The following TSG101 variants were observed in gnomAD, a reference collection of about 807,000 sequenced individuals.
TSG101 encodes tumor susceptibility 101.
In TSG101, 19 loss-of-function variants were observed where a neutral mutation model predicts 48.5. That is an observed-to-expected ratio of 0.39 (90% CI 0.27 to 0.58). TSG101 has a LOEUF of 0.58. TSG101 is among the 20% of genes least tolerant of loss of function. TSG101 has a pLI of 0.55. For synonymous variants in TSG101, 174 were observed against 169.4 expected, an observed-to-expected ratio of 1.03 and a Z score of -0.21; for missense variants, 365 against 484.4, an observed-to-expected ratio of 0.75 and a Z score of 2.31.
chr11:18,486,260 C>T lies in TSG101; in HGVS notation c.641-2188G>A, dbSNP rs547053061. 2.6e-5 allele frequency among the ~76,000 whole-genome samples: 4 copies of T among 152,370 alleles called. No individual in the cohort carries two copies. In the South Asian group the frequency reaches 6.2e-4, roughly 24 times the overall value. Reference sequence around the variant, plus strand: ...CGGGAACCAGCGGGTAAGCCAGACTCGGCCCAAGTGGGCCGAATGGGAGGG... The same window carrying T: ...CGGGAACCAGCGGGTAAGCCAGACTTGGCCCAAGTGGGCCGAATGGGAGGG... On this transcript the variant is annotated intron_variant, in intron 7 of 9. Coordinates refer to ENST00000251968, the MANE Select transcript of TSG101 (RefSeq NM_006292.4).
Position 18,526,894 on chromosome 11 carries a change from T to G in TSG101, c.-78A>C, listed in dbSNP as rs1250184388. ...GGCTGCCCCAGACCGTCCCACACAA[T>G]CGCACACCCCCAACCCGGCCTCAAA... On this transcript the variant is annotated 5_prime_UTR_variant, in exon 1 of 10. Transcript: ENST00000251968. The G allele has an allele frequency of 2.0e-6, 3 of 1,505,458 alleles. No homozygotes were observed. The African/African-American group carries it at 4.1e-5, about 21-fold the overall frequency. The allele number at this position is 1,505,458 out of a possible 1,614,324, so 93.3% of individuals were successfully genotyped here.
At chr11:18,502,672 G>T in intron 6 of TSG101, 95 bp from the exon 7 acceptor site, 1 of 884,748 alleles carries the variant, frequency 1.1e-6, no homozygotes, top group African/African-American at 1.7e-5. Flanking sequence ...TTGACATATG[G>T]TTGTTTTACC....
intron 4 of TSG101, among the ~76,000 whole-genome samples, chr11:18,510,785 G>C (rs1213536421): frequency 6.6e-6 from 1 of 152,058 alleles, no homozygotes; most frequent in Non-Finnish European, 1.5e-5. Flanking sequence ...AACTGTACAT[G>C]GTGGCATGCG....
intron 2 of TSG101, among the ~76,000 whole-genome samples, chr11:18,519,162 C>T (rs1850227776): frequency 6.6e-6 from 1 of 151,810 alleles, no homozygotes; most frequent in African/African-American, 2.4e-5. Context: ...ACAGGAGCAC[C>T]AGGCCAACTT....
At chr11:18,500,600 C>A (rs80140828) in intron 7 of TSG101, among the ~76,000 whole-genome samples, 6,045 of 152,008 alleles carry the variant, frequency 0.04, 267 homozygotes, top group East Asian at 0.19. Flanking sequence ...AGCATTTTTT[C>A]ATATACCTGT....
chr11:18,495,666 GTTTTT>G (rs35958204), intron 7 of TSG101, among the ~76,000 whole-genome samples: 1 of 135,912 alleles, frequency 7.4e-6, no homozygotes, highest in South Asian at 2.3e-4. Flanking sequence ...TACCAGTTAG[GTTTTT>G]TTTTTTTTTT....
chr11:18,522,570 C>T (rs912716842), intron 1 of TSG101, among the ~76,000 whole-genome samples: 3 of 152,236 alleles, frequency 2.0e-5, no homozygotes, highest in Non-Finnish European at 2.9e-5. Flanking sequence ...CCTTACGTGT[C>T]TCTGCCTCCA....
Position 18,481,741 on chromosome 11 carries a change from T to C in TSG101, c.972A>G (p.Leu324=), listed in dbSNP as rs765496019. The change falls in exon 9 of 10, where the codon TTA becomes TTG. Residue 324 remains leucine, a synonymous_variant. Coordinates refer to ENST00000251968, the MANE Select transcript of TSG101 (RefSeq NM_006292.4). ...IDEVIIPTAP[L]YKQILNLYAE... ...CATACAGATTCAGGATCTGTTTGTA[T>C]AAGGGAGCTGTGGGAATGATAACTT... 6.2e-7 allele frequency: 1 copy of C among 1,614,192 alleles called. No homozygotes were observed. Among genetic ancestry groups the C allele is most frequent in the Non-Finnish European group, 8.5e-7 (1 of 1,180,018 alleles).
chr11:18,482,990 CAACTT>C (rs1849564687), intron 8 of TSG101, among the ~76,000 whole-genome samples: 1 of 151,978 alleles, frequency 6.6e-6, no homozygotes, highest in Non-Finnish European at 1.5e-5. Flanking sequence ...ACCCAAATCT[CAACTT>C]GAATTGTATC....
chr11:18,492,765 TAAA>T (rs60389211), intron 7 of TSG101, among the ~76,000 whole-genome samples: 1 of 123,890 alleles, frequency 8.1e-6, no homozygotes, highest in Admixed American at 8.0e-5. Context: ...AACTACTTTG[TAAA>T]AAAAAAAAAA....
chr11:18,481,883 A>G lies in TSG101; in HGVS notation c.844-14T>C, dbSNP rs1849546808. The G allele has an allele frequency of 2.5e-6, 4 of 1,611,142 alleles. No homozygotes were observed. Among genetic ancestry groups the G allele is most frequent in the Non-Finnish European group, 3.4e-6 (4 of 1,179,748 alleles). Reference sequence around the variant, plus strand: ...ATCAACCTCGGCCTGAAAACAGAACAGTCCAAGCATTAATAACTGTACATA... The same window carrying G: ...ATCAACCTCGGCCTGAAAACAGAACGGTCCAAGCATTAATAACTGTACATA... On this transcript the variant is annotated splice_polypyrimidine_tract_variant and intron_variant, in intron 8 of 9. Coordinates refer to ENST00000251968, the MANE Select transcript of TSG101 (RefSeq NM_006292.4).
At chr11:18,494,280 C>T (rs1849742912) in intron 7 of TSG101, among the ~76,000 whole-genome samples, 1 of 152,034 alleles carries the variant, frequency 6.6e-6, no homozygotes, top group Admixed American at 6.6e-5. Flanking sequence ...GCCAATAAAT[C>T]TGAAGGAGAG....
At chr11:18,481,573 G>A (rs1849540968) in intron 9 of TSG101, 57 bp downstream of exon 9, 1 of 1,566,288 alleles carries the variant, frequency 6.4e-7, no homozygotes, top group African/African-American at 1.4e-5. Flanking sequence ...TGGTTTGCAA[G>A]GTCAGTGCCT....
At chr11:18,494,035 A>C (rs56382668) in intron 7 of TSG101, among the ~76,000 whole-genome samples, 2,687 of 152,316 alleles carry the variant, frequency 0.018, 86 homozygotes, top group African/African-American at 0.06. Flanking sequence ...ATTTAAAGAA[A>C]GCTATCAGCA....
At chr11:18,516,028 A>G in intron 3 of TSG101, 71 bp downstream of exon 3, 2 of 1,384,310 alleles carry the variant, frequency 1.4e-6, no homozygotes, top group Non-Finnish European at 1.0e-6. Context: ...TAATTTGGTT[A>G]TAACTCTTTG....
At chr11:18,515,682 A>G (rs1286667622) in intron 3 of TSG101, among the ~76,000 whole-genome samples, 2 of 152,266 alleles carry the variant, frequency 1.3e-5, no homozygotes, top group African/African-American at 4.8e-5. Flanking sequence ...ATATCCATAT[A>G]TAACATGTAA....
intron 1 of TSG101, among the ~76,000 whole-genome samples, chr11:18,523,384 T>C (rs1214490269): frequency 6.6e-6 from 1 of 152,252 alleles, no homozygotes; most frequent in Non-Finnish European, 1.5e-5. Flanking sequence ...TTGAGTTGTT[T>C]ATTGCCTTCT....
chr11:18,526,736 G>A (rs1336506478), intron 1 of TSG101, 39 bp downstream of exon 1: 1 of 1,593,370 alleles, frequency 6.3e-7, no homozygotes, highest in Non-Finnish European at 8.5e-7. Context: ...GAAGGGAGCG[G>A]TGGGCGCGCC....
At chr11:18,511,594 TTAAC>T (rs1234107458) in intron 4 of TSG101, 2 of 152,162 alleles carry the variant, frequency 1.3e-5, no homozygotes, top group Non-Finnish European at 2.9e-5. Context: ...ACAAAATTCC[TTAAC>T]TAAATCATAG....
Sources: gnomAD v4.1 joint callset for allele counts (sites outside exome capture counted in the v4.1 genomes callset) on GRCh38, gnomAD v4.1.1 for gene constraint, MANE v1.5 for transcripts, NCBI Gene and HGNC (gene_info 2026-07-23, HGNC 2026-07-21) for gene names.